The following ARFGEF2 variants were observed in gnomAD, a reference collection of about 807,000 sequenced individuals.
ARFGEF2 encodes brefeldin A-inhibited guanine nucleotide-exchange protein 2.
ARFGEF2 carries 74 observed loss-of-function variants against 219.9 expected under a neutral mutation model. That is an observed-to-expected ratio of 0.34 (90% confidence interval 0.28 to 0.41). The LOEUF is 0.41. Among genes scored for constraint, ARFGEF2 ranks in the 10% least tolerant of loss-of-function variants. The pLI, the probability that ARFGEF2 is intolerant of heterozygous loss-of-function variation, is 1.00. For missense variants in ARFGEF2, 1,743 were observed against 2,218.3 expected, an observed-to-expected ratio of 0.79 and a Z score of 4.30; for synonymous variants, 733 against 799.2, an observed-to-expected ratio of 0.92 and a Z score of 1.40.
At chr20:48,931,439 T>G (rs1380779609) in intron 1 of ARFGEF2, among the ~76,000 whole-genome samples, 1 of 152,014 alleles carries the variant, frequency 6.6e-6, no homozygotes, top group African/African-American at 2.4e-5. Context: ...TGTCATAGAG[T>G]TTATGTTCTG....
At chr20:48,939,351 T>C (rs893587088) in intron 1 of ARFGEF2, among the ~76,000 whole-genome samples, 35 of 152,300 alleles carry the variant, frequency 2.3e-4, no homozygotes, top group African/African-American at 6.0e-4. Context: ...TTGCTTTAGA[T>C]AGGTTTAGGA....
intron 6 of ARFGEF2, among the ~76,000 whole-genome samples, chr20:48,963,149 C>A (rs2091164370): frequency 7.5e-6 from 1 of 134,014 alleles, no homozygotes; most frequent in African/African-American, 3.1e-5. Flanking sequence ...GCACTCCAGC[C>A]TGGGCAAGAC....
At position 48,963,766 on chromosome 20, in the gene ARFGEF2, C is replaced by T. The variant is rs957465702; in HGVS notation, c.839-64C>T. The T allele has an allele frequency of 2.6e-6, 4 of 1,523,202 alleles. No homozygotes were observed. In the South Asian group the frequency reaches 4.6e-5, roughly 17 times the overall value. The allele number at this position is 1,523,202 out of a possible 1,614,324, so 94.4% of individuals were successfully genotyped here. A position where few individuals can be genotyped will look rare whatever the true frequency, so the allele number is the denominator to read the frequency against. On this transcript the variant is annotated intron_variant, in intron 6 of 38. Coordinates refer to ENST00000371917, the MANE Select transcript of ARFGEF2 (RefSeq NM_006420.3). ...TGTAACTCCCCATAATCTCCTTTTC[C>T]TCTCTTCCTTTGTTTTTCCTGAAAA... is the stretch of plus-strand genomic sequence containing the variant.
chr20:48,928,967 A>C (rs543899208), intron 1 of ARFGEF2, among the ~76,000 whole-genome samples: 1 of 152,356 alleles, frequency 6.6e-6, no homozygotes, highest in South Asian at 2.1e-4. Context: ...GTCTGAAAGC[A>C]GTGCTAGGGA....
At chr20:48,985,329 C>A in intron 15 of ARFGEF2, 79 bp from the exon 16 acceptor site, 1 of 1,489,680 alleles carries the variant, frequency 6.7e-7, no homozygotes, top group Non-Finnish European at 9.4e-7. Context: ...GCTATTCTGA[C>A]TCCACCCTTT....
intron 1 of ARFGEF2, among the ~76,000 whole-genome samples, chr20:48,929,121 G>A (rs913930206): frequency 5.9e-5 from 9 of 152,212 alleles, no homozygotes; most frequent in Admixed American, 2.6e-4. Context: ...GGCCTGCCAG[G>A]AAAATACTTG....
rs545306777 is a variant in ARFGEF2, at chr20:48,977,421, G to C, written c.1958+1222G>C. Among the ~76,000 whole-genome samples the C allele has an allele frequency of 4.7e-4, 71 of 152,284 alleles. 1 individual carries two copies. The South Asian group carries it at 0.015, about 31-fold the overall frequency. On this transcript the variant is annotated intron_variant, in intron 14 of 38. Coordinates refer to ENST00000371917, the MANE Select transcript of ARFGEF2 (RefSeq NM_006420.3). The stretch of plus-strand genomic sequence containing the variant: ...TTCCAAGTTTTTGCTACTGTGAATA[G>C]TGCCGCAATAAACATACGTGTGCAT...
In ARFGEF2 at chr20:48,978,795, A is replaced by T. The variant is rs181836412; in HGVS notation, c.1958+2596A>T. On this transcript the variant is annotated intron_variant, in intron 14 of 38. Coordinates refer to ENST00000371917, the MANE Select transcript of ARFGEF2 (RefSeq NM_006420.3). The stretch of plus-strand genomic sequence containing the variant: ...AGTTTGTCTCTTATTGGCATAAAGG[A>T]ATACTTGTGATTTTTGCACATTGAT... Among the ~76,000 whole-genome samples the T allele has an allele frequency of 7.2e-5, 11 of 152,280 alleles. No individual in the cohort carries two copies. The East Asian group carries it at 2.1e-3, about 29-fold the overall frequency.
chr20:48,937,191 A>G (rs902091355), intron 1 of ARFGEF2, among the ~76,000 whole-genome samples: 1 of 152,154 alleles, frequency 6.6e-6, no homozygotes, highest in African/African-American at 2.4e-5. Flanking sequence ...CTGGATTATT[A>G]GCAGTAACTT....
At chr20:49,014,629 T>G (rs1043175554) in intron 30 of ARFGEF2, among the ~76,000 whole-genome samples, 29 of 152,154 alleles carry the variant, frequency 1.9e-4, no homozygotes, top group Non-Finnish European at 7.3e-5. Flanking sequence ...CTACATGGTT[T>G]AAATATGATT....
intron 21 of ARFGEF2, among the ~76,000 whole-genome samples, chr20:48,993,359 G>C (rs149342458): frequency 2.6e-4 from 40 of 152,312 alleles, no homozygotes; most frequent in African/African-American, 9.1e-4. Context: ...CCCAGCTTCT[G>C]CAAAAGGGAG....
intron 27 of ARFGEF2, 74 bp from the exon 28 acceptor site, chr20:49,011,850 T>TGC (rs1218226492): frequency 2.1e-6 from 3 of 1,410,076 alleles, no homozygotes; most frequent in Non-Finnish European, 2.0e-6. Context: ...TGTGTGTGTG[T>TGC]GCACGCACGT....
chr20:48,951,044 G>A (rs1427870860), intron 3 of ARFGEF2, among the ~76,000 whole-genome samples: 1 of 151,816 alleles, frequency 6.6e-6, no homozygotes, highest in Non-Finnish European at 1.5e-5. Context: ...AGTATGTGTA[G>A]CTATTAATTC....
intron 6 of ARFGEF2, among the ~76,000 whole-genome samples, chr20:48,961,130 AAATT>A (rs1291249180): frequency 2.2e-5 from 3 of 136,338 alleles, no homozygotes; most frequent in Admixed American, 7.9e-5. Context: ...ATTCAATAAT[AAATT>A]AATTTTAGCT....
At chr20:49,010,196 A>G (rs1568735890) in intron 26 of ARFGEF2, 36 bp from the exon 27 acceptor site, 1 of 1,600,824 alleles carries the variant, frequency 6.2e-7, no homozygotes, top group Non-Finnish European at 8.5e-7. Context: ...CATTCTCCAA[A>G]GTACAGACGA....
chr20:48,952,981 T>G lies in ARFGEF2; in HGVS notation c.603+97T>G, dbSNP rs1019149307. On this transcript the variant is annotated intron_variant, in intron 5 of 38. Coordinates refer to ENST00000371917, the MANE Select transcript of ARFGEF2 (RefSeq NM_006420.3). Reference sequence around the variant, plus strand: ...TGCCTGTGAAGAATCACTAGCATTTTAAAGCTACCCCTTCTTCCTGTGGAT... The same window carrying G: ...TGCCTGTGAAGAATCACTAGCATTTGAAAGCTACCCCTTCTTCCTGTGGAT... The G allele has an allele frequency of 2.4e-6, 3 of 1,273,790 alleles. No homozygotes were observed. The Admixed American group carries it at 5.3e-5, about 22-fold the overall frequency. 78.9% of individuals were successfully genotyped at this position (1,273,790 alleles called of 1,614,324 possible). A position where few individuals can be genotyped will look rare whatever the true frequency, so the allele number is the denominator to read the frequency against.
rs1035705110 is a variant in ARFGEF2 at position 48,954,422 on chromosome 20, G to A, written c.838+632G>A. Among the ~76,000 whole-genome samples, 4 of 152,284 alleles carry A rather than the reference G, an allele frequency of 2.6e-5. No homozygotes were observed. The South Asian group carries it at 6.2e-4, about 24-fold the overall frequency. On this transcript the variant is annotated intron_variant, in intron 6 of 38. Coordinates refer to ENST00000371917, the MANE Select transcript of ARFGEF2 (RefSeq NM_006420.3). ...CTTCTGACTGTTCATATCTCTCCCT[G>A]GGCAGTTTGTAGGAACCAGATCCAA... is the stretch of plus-strand genomic sequence containing the variant.
At chr20:49,020,251 G>C (rs568834727) in intron 34 of ARFGEF2, among the ~76,000 whole-genome samples, 117 of 152,296 alleles carry the variant, frequency 7.7e-4, no homozygotes, top group African/African-American at 2.6e-3. Flanking sequence ...GGCCATAGCT[G>C]TTAACATTGA....
intron 26 of ARFGEF2, among the ~76,000 whole-genome samples, chr20:49,005,594 C>A (rs993905456): frequency 4.0e-5 from 6 of 151,582 alleles, no homozygotes; most frequent in Non-Finnish European, 8.8e-5. Flanking sequence ...AAAAATTAGC[C>A]GGGCATGGTG....
Sources: gnomAD v4.1 joint callset for allele counts (sites outside exome capture counted in the v4.1 genomes callset) on GRCh38, gnomAD v4.1.1 for gene constraint, MANE v1.5 for transcripts, NCBI Gene and HGNC (gene_info 2026-07-23, HGNC 2026-07-21) for gene names.